Variants in GRIK4 observed in about 807,000 individuals in gnomAD.
The protein encoded by GRIK4 is glutamate receptor ionotropic, kainate 4.
GRIK4 carries 40 observed loss-of-function variants against 104.9 expected under a neutral mutation model. The observed-to-expected ratio is 0.38, with a 90% CI of 0.30 to 0.50. GRIK4 has a LOEUF of 0.50. Ranked by LOEUF, GRIK4 falls within the 20% of genes least tolerant of loss-of-function variation. The probability of loss-of-function intolerance (pLI) is 0.93; values close to 1 mark genes in which losing one functional copy is unlikely to be tolerated. For synonymous variants in GRIK4, 485 were observed against 524.9 expected (o/e 0.92, Z 1.04); for missense variants, 1,047 against 1,308.1 (o/e 0.80, Z 3.08).
At chr11:120,625,366 G>C (rs762882536) in intron 1 of GRIK4, among the ~76,000 whole-genome samples, 1 of 152,128 alleles carries the variant, frequency 6.6e-6, no homozygotes, top group African/African-American at 2.4e-5. Context: ...ATGAGCACCC[G>C]GCCGGAAAGG....
intron 3 of GRIK4, among the ~76,000 whole-genome samples, chr11:120,672,221 G>A (rs1415217332): frequency 9.2e-5 from 14 of 152,102 alleles, no homozygotes; most frequent in Non-Finnish European, 2.9e-5. Context: ...TTTGAGACCA[G>A]CTTGGTCAAC....
At position 120,743,563 on chromosome 11, in the gene GRIK4, C is replaced by T. The variant is rs76393871; in HGVS notation, c.83-59130C>T. Among the ~76,000 whole-genome samples, 1,159 of 152,200 alleles carry T rather than the reference C, an allele frequency of 7.6e-3. 14 individuals are homozygous for T. Among genetic ancestry groups the T allele is most frequent in the Non-Finnish European group, 0.012 (800 of 68,018 alleles). The stretch of plus-strand genomic sequence containing the variant: ...ATGTAACGAGCCTTCATGTGTACCT[C>T]CAAACCTAGAATAAAAGTTTTTTTT... On this transcript the variant is annotated intron_variant, in intron 3 of 20. Transcript: ENST00000527524.
intron 3 of GRIK4, among the ~76,000 whole-genome samples, chr11:120,789,206 C>G (rs1337817562): frequency 6.6e-6 from 1 of 152,174 alleles, no homozygotes; most frequent in Admixed American, 6.5e-5. Context: ...AGACCAGTAA[C>G]TTTTTCTGTT....
chr11:120,589,607 G>A (rs189209058), intron 1 of GRIK4, among the ~76,000 whole-genome samples: 23 of 152,228 alleles, frequency 1.5e-4, no homozygotes, highest in African/African-American at 4.6e-4. Flanking sequence ...TTCAGCCAGC[G>A]GCCACCGTTT....
At chr11:120,822,098 C>T (rs1953141904) in intron 6 of GRIK4, among the ~76,000 whole-genome samples, 1 of 151,162 alleles carries the variant, frequency 6.6e-6, no homozygotes, top group South Asian at 2.1e-4. Flanking sequence ...GTAATCCCAG[C>T]TACTTGGGAG....
chr11:120,816,949 G>A (rs1725388150), intron 5 of GRIK4, among the ~76,000 whole-genome samples: 1 of 152,082 alleles, frequency 6.6e-6, no homozygotes, highest in South Asian at 2.1e-4. Flanking sequence ...GTCCCTCCCA[G>A]CCTCTCCCAG....
chr11:120,630,908 C>T lies in GRIK4; in HGVS notation c.-158-22777C>T, dbSNP rs188772074. Reference sequence around the variant, plus strand: ...TTCTTCTGTAAAATGAGAAAGTGTACCTGGGCGATCTCTGGGTTCTTGGAG... The same window carrying T: ...TTCTTCTGTAAAATGAGAAAGTGTATCTGGGCGATCTCTGGGTTCTTGGAG... On this transcript the variant is annotated intron_variant, in intron 1 of 20. Coordinates refer to ENST00000527524, the MANE Select transcript of GRIK4 (RefSeq NM_014619.5). Among the ~76,000 whole-genome samples the T allele has an allele frequency of 2.0e-3, 297 of 152,214 alleles. 1 individual carries two copies. The highest frequency in any genetic ancestry group is 6.8e-3 in the African/African-American group (281 of 41,538).
intron 4 of GRIK4, among the ~76,000 whole-genome samples, chr11:120,810,981 A>AT (rs1952817393): frequency 6.6e-6 from 1 of 152,176 alleles, no homozygotes; most frequent in Admixed American, 6.5e-5. Flanking sequence ...GAATGATGTA[A>AT]TTCCCCCCAC....
intron 13 of GRIK4, among the ~76,000 whole-genome samples, chr11:120,920,626 C>A (rs907794859): frequency 1.3e-4 from 19 of 151,552 alleles, no homozygotes; most frequent in Non-Finnish European, 2.7e-4. Context: ...CTCACATATT[C>A]CCCCCAGGAG....
At chr11:120,920,818 A>C (rs1396711693) in intron 13 of GRIK4, among the ~76,000 whole-genome samples, 2 of 152,190 alleles carry the variant, frequency 1.3e-5, no homozygotes, top group Non-Finnish European at 2.9e-5. Flanking sequence ...CAATGAGCAT[A>C]AACATTTCCT....
intron 1 of GRIK4, among the ~76,000 whole-genome samples, chr11:120,570,407 T>C (rs776330500): frequency 7.2e-5 from 11 of 152,236 alleles, no homozygotes; most frequent in Non-Finnish European, 1.5e-5. Context: ...TAAATATGTG[T>C]GCATTGCTAT....
rs577403337 is a variant in GRIK4 at position 120,645,194 on chromosome 11, G to A, written c.-158-8491G>A. Among the ~76,000 whole-genome samples the A allele has an allele frequency of 4.5e-4, 68 of 152,248 alleles. 1 individual carries two copies. The highest frequency in any genetic ancestry group is 1.6e-3 in the African/African-American group (66 of 41,532). ...TGTGTGTCTGTCCTTCAAGAGCAGC[G>A]TGAAGATCTGTTTCTCTGCAAAGCC... On this transcript the variant is annotated intron_variant, in intron 1 of 20. Coordinates refer to ENST00000527524, the MANE Select transcript of GRIK4 (RefSeq NM_014619.5).
At chr11:120,723,387 GC>G (rs780415462) in intron 3 of GRIK4, among the ~76,000 whole-genome samples, 1 of 152,152 alleles carries the variant, frequency 6.6e-6, no homozygotes, top group Non-Finnish European at 1.5e-5. Context: ...AGCATCACCT[GC>G]CCTGAGAGGT....
intron 3 of GRIK4, among the ~76,000 whole-genome samples, chr11:120,691,958 C>T (rs181753418): frequency 5.9e-5 from 9 of 152,308 alleles, no homozygotes; most frequent in Admixed American, 2.0e-4. Context: ...TCCTTTGCTG[C>T]GCCTGATTAG....
intron 1 of GRIK4, among the ~76,000 whole-genome samples, chr11:120,648,408 C>T (rs1233572004): frequency 1.3e-5 from 2 of 152,216 alleles, no homozygotes; most frequent in Non-Finnish European, 2.9e-5. Flanking sequence ...TCCTCCTTCC[C>T]TGAGGGAGGG....
chr11:120,922,149 T>G (rs745954590), intron 13 of GRIK4, among the ~76,000 whole-genome samples: 2 of 152,206 alleles, frequency 1.3e-5, no homozygotes, highest in Non-Finnish European at 2.9e-5. Context: ...GGAACAATAC[T>G]TGCTTTACAA....
chr11:120,908,746 A>T (rs1034687280), intron 13 of GRIK4, among the ~76,000 whole-genome samples: 27 of 152,230 alleles, frequency 1.8e-4, no homozygotes, highest in African/African-American at 6.5e-4. Flanking sequence ...GGAGGGGGAA[A>T]CTTGTATCTG....
intron 3 of GRIK4, among the ~76,000 whole-genome samples, chr11:120,725,947 T>G (rs1016866983): frequency 1.3e-5 from 2 of 152,164 alleles, no homozygotes; most frequent in African/African-American, 4.8e-5. Flanking sequence ...TACAAATAAA[T>G]GAATAAGATA....
In GRIK4 at chr11:120,952,781, A is replaced by G. The variant is rs1591323955; in HGVS notation, c.1591-74A>G. ...CAGACCCACACTCACTACCTCCTCT[A>G]CCCCGCCCTGCCTGCCCCAAGGTCA... On this transcript the variant is annotated intron_variant, in intron 14 of 20. Transcript: ENST00000527524. This position sits in a 1 kb window ranked among gnomAD's most constrained non-coding sequence, Gnocchi z 5.2. 1 of 998,178 alleles carries G rather than the reference A, an allele frequency of 1.0e-6. No homozygotes were observed. The highest frequency in any genetic ancestry group is 1.7e-5 in the Admixed American group (1 of 59,114). The allele number at this position is 998,178 out of a possible 1,614,324, so 61.8% of individuals were successfully genotyped here.
Sources: allele counts gnomAD v4.1 joint callset (sites outside exome capture counted in the v4.1 genomes callset), GRCh38; gene constraint gnomAD v4.1.1; non-coding constraint Gnocchi (gnomAD v3.1); transcripts MANE v1.5; gene names NCBI Gene and HGNC (gene_info 2026-07-23, HGNC 2026-07-21).